FBLN7: variants seen among roughly 807,000 people sequenced by gnomAD.
The protein encoded by FBLN7 is fibulin-7.
Under a neutral mutation model 44.0 loss-of-function variants are expected in FBLN7, and 31 were observed. The observed-to-expected ratio is 0.70, with a 90% CI of 0.53 to 0.95. The LOEUF (loss-of-function observed/expected upper bound fraction) is 0.95. Ranked by LOEUF, FBLN7 falls within the 40% of genes least tolerant of loss-of-function variation. The pLI is 0.00. For missense variants in FBLN7, 573 were observed against 618.5 expected, an observed-to-expected ratio of 0.93 and a Z score of 0.78; for synonymous variants, 262 against 253.4, an observed-to-expected ratio of 1.03 and a Z score of -0.32.
At chr2:112,186,932 G>A (rs1683296273) in intron 7 of FBLN7, among the ~76,000 whole-genome samples, 1 of 152,218 alleles carries the variant, frequency 6.6e-6, no homozygotes, top group Non-Finnish European at 1.5e-5. Context: ...AGCAGGAACA[G>A]AAGCAGCAGC....
chr2:112,141,639 C>T (rs1052909149), intron 1 of FBLN7, among the ~76,000 whole-genome samples: 1 of 152,238 alleles, frequency 6.6e-6, no homozygotes, highest in Non-Finnish European at 1.5e-5. Context: ...AAAACCCCAC[C>T]TCAGACCTTG....
the FBLN7 span, among the ~76,000 whole-genome samples, chr2:112,223,403 TAAA>T: frequency 1.1e-4 from 17 of 152,012 alleles, 1 homozygote; most frequent in African/African-American, 4.1e-4. Context: ...ATAAAATAAA[TAAA>T]GCCATTAAAA....
chr2:112,231,059 A>G, the FBLN7 span: 1 of 701,198 alleles, frequency 1.4e-6, no homozygotes, highest in South Asian at 3.2e-5. Flanking sequence ...CATCCTAATA[A>G]TCATCTAATA....
At chr2:112,156,601 G>T (rs1208692821) in intron 1 of FBLN7, among the ~76,000 whole-genome samples, 1 of 152,216 alleles carries the variant, frequency 6.6e-6, no homozygotes, top group African/African-American at 2.4e-5. Flanking sequence ...GGGCAGGTAC[G>T]GGGTTGCAGG....
At chr2:112,175,011 C>A (rs1573817020) in intron 3 of FBLN7, among the ~76,000 whole-genome samples, 1 of 126,706 alleles carries the variant, frequency 7.9e-6, no homozygotes. Flanking sequence ...GCCTACCACT[C>A]AGAGAAAAAA....
intron 7 of FBLN7, among the ~76,000 whole-genome samples, chr2:112,186,693 G>C (rs540025125): frequency 6.6e-6 from 1 of 152,150 alleles, no homozygotes; most frequent in South Asian, 2.1e-4. Context: ...ACCGTACACC[G>C]TGTGGGAAGC....
At chr2:112,240,545 G>C in the FBLN7 span, 1 of 152,146 alleles carries the variant, frequency 6.6e-6, no homozygotes, top group African/African-American at 2.4e-5. Context: ...CCCTCTGTCT[G>C]CACAAAACAC....
At chr2:112,161,877 G>A (rs1010739574) in intron 2 of FBLN7, among the ~76,000 whole-genome samples, 13 of 152,218 alleles carry the variant, frequency 8.5e-5, no homozygotes, top group Admixed American at 2.6e-4. Context: ...TACTTTATGC[G>A]TGCAGAGGCT....
intron 6 of FBLN7, 34 bp from the exon 7 acceptor site, chr2:112,185,167 G>T: frequency 6.3e-7 from 1 of 1,595,790 alleles, no homozygotes; most frequent in South Asian, 1.1e-5. Flanking sequence ...GAAGGTCAGG[G>T]CGATTCTCAC....
chr2:112,244,521 C>T, the FBLN7 span, among the ~76,000 whole-genome samples: 1 of 152,100 alleles, frequency 6.6e-6, no homozygotes, highest in South Asian at 2.1e-4. Context: ...TATAGGCATA[C>T]CTTATTTGAT....
the FBLN7 span, among the ~76,000 whole-genome samples, chr2:112,227,382 G>A: frequency 0.11 from 16,631 of 152,160 alleles, 1,196 homozygotes; most frequent in Non-Finnish European, 0.16. Context: ...AAAATTAGCC[G>A]GGCGTGGTGG....
the FBLN7 span, among the ~76,000 whole-genome samples, chr2:112,229,059 C>T: frequency 7.2e-5 from 11 of 152,146 alleles, no homozygotes; most frequent in East Asian, 1.9e-4. Context: ...AGTGTTGCTA[C>T]GGTAATTAAG....
intron 3 of FBLN7, among the ~76,000 whole-genome samples, chr2:112,165,541 T>C (rs577299813): frequency 6.6e-6 from 1 of 152,298 alleles, no homozygotes; most frequent in African/African-American, 2.4e-5. Flanking sequence ...CTCTCTGCTC[T>C]GGACACCAGT....
At chr2:112,205,614 T>G in the FBLN7 span, among the ~76,000 whole-genome samples, 446 of 152,244 alleles carry the variant, frequency 2.9e-3, 2 homozygotes, top group African/African-American at 9.9e-3. Flanking sequence ...AATACACCAA[T>G]TAAATCAGTT....
the FBLN7 span, among the ~76,000 whole-genome samples, chr2:112,210,384 G>A: frequency 3.3e-5 from 5 of 151,972 alleles, no homozygotes; most frequent in East Asian, 7.7e-4. Context: ...GGCCGGGCAC[G>A]GTGCCTCACG....
At chr2:112,172,515 C>T (rs1682514364) in intron 3 of FBLN7, among the ~76,000 whole-genome samples, 1 of 152,026 alleles carries the variant, frequency 6.6e-6, no homozygotes, top group Admixed American at 6.6e-5. Flanking sequence ...CTGAATGCCC[C>T]CAAAATATAT....
At chr2:112,239,247 T>C in the FBLN7 span, among the ~76,000 whole-genome samples, 131 of 152,292 alleles carry the variant, frequency 8.6e-4, no homozygotes, top group South Asian at 0.011. Context: ...TGCATAAAAA[T>C]TTTCAGGTAT....
At chr2:112,149,776 G>A (rs1222657130) in intron 1 of FBLN7, among the ~76,000 whole-genome samples, 1 of 152,168 alleles carries the variant, frequency 6.6e-6, no homozygotes, top group Non-Finnish European at 1.5e-5. Context: ...TAATTTGACT[G>A]GACCCAAACC....
intron 2 of FBLN7, among the ~76,000 whole-genome samples, chr2:112,163,035 G>T (rs534401298): frequency 5.1e-4 from 78 of 152,312 alleles, no homozygotes; most frequent in Middle Eastern, 3.4e-3. Context: ...TTACCACTGG[G>T]GGCCAACTTG....
Sources: allele counts gnomAD v4.1 joint callset (sites outside exome capture counted in the v4.1 genomes callset), GRCh38; gene constraint gnomAD v4.1.1; transcripts MANE v1.5; gene names NCBI Gene and HGNC (gene_info 2026-07-23, HGNC 2026-07-21).